Variants in HDAC9 observed in about 807,000 individuals in gnomAD.
HDAC9 encodes the protein histone deacetylase 9.
Under a neutral mutation model 139.4 loss-of-function variants are expected in HDAC9, and 41 were observed. The ratio of observed to expected loss-of-function variants is 0.29; its 90% CI spans 0.23 to 0.38. The LOEUF is 0.38. Ranked by LOEUF, HDAC9 falls within the 10% of genes least tolerant of loss-of-function variation. The probability of loss-of-function intolerance (pLI) is 1.00; values close to 1 mark genes in which losing one functional copy is unlikely to be tolerated. For synonymous variants in HDAC9, 517 were observed against 476.2 expected, an observed-to-expected ratio of 1.09 and a Z score of -1.12; for missense variants, 1,147 against 1,297.0, an observed-to-expected ratio of 0.88 and a Z score of 1.78.
At chr7:18,298,429 C>A (rs545543760) in intron 1 of HDAC9, among the ~76,000 whole-genome samples, 2 of 152,060 alleles carry the variant, frequency 1.3e-5, no homozygotes, top group South Asian at 2.1e-4. Flanking sequence ...AATGCTATCC[C>A]TCCCCGCTCC....
At chr7:18,714,672 C>T (rs943548390) in intron 12 of HDAC9, among the ~76,000 whole-genome samples, 1 of 152,224 alleles carries the variant, frequency 6.6e-6, no homozygotes, top group Non-Finnish European at 1.5e-5. Context: ...TTCTTCATCT[C>T]TTGGCTCAGA....
intron 2 of HDAC9, among the ~76,000 whole-genome samples, chr7:18,268,687 G>A (rs1382125600): frequency 6.6e-6 from 1 of 152,178 alleles, no homozygotes; most frequent in Non-Finnish European, 1.5e-5. Flanking sequence ...ATTAAAGGCA[G>A]TGAGCCATTT....
chr7:18,403,684 C>T (rs781067914), intron 1 of HDAC9, among the ~76,000 whole-genome samples: 17 of 152,172 alleles, frequency 1.1e-4, no homozygotes, highest in Admixed American at 2.6e-4. Context: ...TATTGAGTAG[C>T]TACTATGTCC....
At chr7:18,263,991 G>T (rs1795846910) in intron 2 of HDAC9, among the ~76,000 whole-genome samples, 1 of 152,098 alleles carries the variant, frequency 6.6e-6, no homozygotes, top group African/African-American at 2.4e-5. Context: ...ATGATAAAAG[G>T]CTCAAACCAT....
intron 6 of HDAC9, among the ~76,000 whole-genome samples, chr7:18,609,202 G>A (rs1210504531): frequency 6.6e-6 from 1 of 152,132 alleles, no homozygotes; most frequent in Non-Finnish European, 1.5e-5. Flanking sequence ...AATATAATTT[G>A]ATGGAAGAGT....
intron 22 of HDAC9, among the ~76,000 whole-genome samples, chr7:18,900,177 A>C (rs1801566168): frequency 1.3e-5 from 2 of 152,176 alleles, no homozygotes; most frequent in Admixed American, 6.5e-5. Context: ...AAGTCTACAA[A>C]AACAACTCAA....
intron 22 of HDAC9, among the ~76,000 whole-genome samples, chr7:18,901,275 T>A (rs1253515648): frequency 6.7e-6 from 1 of 149,306 alleles, no homozygotes; most frequent in African/African-American, 2.4e-5. Flanking sequence ...TATATATATA[T>A]AAAATTGTAT....
At chr7:18,267,083 A>G (rs189636323) in intron 2 of HDAC9, among the ~76,000 whole-genome samples, 2 of 152,210 alleles carry the variant, frequency 1.3e-5, no homozygotes, top group East Asian at 3.9e-4. Context: ...CAGCTTCTGT[A>G]CTCCAAAGTA....
chr7:18,296,395 G>T (rs1245274852), intron 1 of HDAC9, among the ~76,000 whole-genome samples: 1 of 141,426 alleles, frequency 7.1e-6, no homozygotes, highest in Admixed American at 6.8e-5. Flanking sequence ...ATTTTCTCTT[G>T]ATTATAACAT....
chr7:18,546,746 G>A (rs964752273), intron 2 of HDAC9, among the ~76,000 whole-genome samples: 45 of 152,312 alleles, frequency 3.0e-4, no homozygotes, highest in African/African-American at 1.0e-3. Flanking sequence ...AGCAGGGACA[G>A]AGTTGGAGAA....
chr7:18,238,470 A>G (rs929414944), intron 2 of HDAC9, among the ~76,000 whole-genome samples: 6 of 152,218 alleles, frequency 3.9e-5, no homozygotes, highest in African/African-American at 9.6e-5. Context: ...AGGTTCCTCC[A>G]GTATTTCCCC....
chr7:18,790,844 A>C (rs1272047070), intron 16 of HDAC9, among the ~76,000 whole-genome samples: 2 of 152,214 alleles, frequency 1.3e-5, no homozygotes, highest in East Asian at 3.8e-4. Flanking sequence ...AATATCAGTC[A>C]TCCACTGGAT....
chr7:18,985,179 C>T (rs948795693), intron 25 of HDAC9, among the ~76,000 whole-genome samples: 1 of 152,040 alleles, frequency 6.6e-6, no homozygotes, highest in African/African-American at 2.4e-5. Context: ...CCCACTAATT[C>T]GTCATCTAGC....
intron 17 of HDAC9, among the ~76,000 whole-genome samples, chr7:18,811,916 A>G (rs1412912656): frequency 2.0e-5 from 3 of 151,730 alleles, no homozygotes; most frequent in Non-Finnish European, 4.4e-5. Flanking sequence ...ATCCCTTGAT[A>G]TATTCACAGG....
chr7:18,119,351 G>A (rs1361761514), intron 1 of HDAC9, among the ~76,000 whole-genome samples: 3 of 152,196 alleles, frequency 2.0e-5, no homozygotes, highest in Non-Finnish European at 4.4e-5. Context: ...AAACTGATCT[G>A]ACCAAGCAAT....
chr7:18,532,382 G>A (rs759713778), intron 2 of HDAC9, among the ~76,000 whole-genome samples: 1 of 152,208 alleles, frequency 6.6e-6, no homozygotes, highest in Non-Finnish European at 1.5e-5. Flanking sequence ...CTAGAGGTAT[G>A]ATTCTAAAGC....
chr7:18,636,545 A>G lies in HDAC9; in HGVS notation c.912+1803A>G, dbSNP rs73683039. On this transcript the variant is annotated intron_variant, in intron 8 of 25. Transcript: ENST00000686413. ...AAAATTTCCCTCAAATAAGTTTCCA[A>G]GAAACATGAGCAAAATATCTAGATG... Among the ~76,000 whole-genome samples, 299 of 152,240 alleles carry G rather than the reference A, an allele frequency of 2.0e-3. 2 individuals are homozygous for G. The highest frequency in any genetic ancestry group is 7.0e-3 in the African/African-American group (291 of 41,560).
At chr7:18,118,240 C>G (rs1167337478) in intron 1 of HDAC9, among the ~76,000 whole-genome samples, 3 of 152,150 alleles carry the variant, frequency 2.0e-5, no homozygotes, top group African/African-American at 7.2e-5. Flanking sequence ...TTTCTCTTGC[C>G]TTGTTCCTTC....
At chr7:18,839,178 T>G (rs867534746) in intron 21 of HDAC9, among the ~76,000 whole-genome samples, 1 of 152,038 alleles carries the variant, frequency 6.6e-6, no homozygotes, top group Non-Finnish European at 1.5e-5. Flanking sequence ...TACCATTGTA[T>G]AAAATAATTA....
Sources: gnomAD v4.1 joint callset for allele counts (sites outside exome capture counted in the v4.1 genomes callset) on GRCh38, gnomAD v4.1.1 for gene constraint, MANE v1.5 for transcripts, NCBI Gene and HGNC (gene_info 2026-07-23, HGNC 2026-07-21) for gene names.